CHN1: variants seen among roughly 807,000 people sequenced by gnomAD.
CHN1 encodes N-chimaerin.
Under a neutral mutation model 59.5 loss-of-function variants are expected in CHN1, and 37 were observed. That is an observed-to-expected ratio of 0.62 (90% CI 0.48 to 0.82). CHN1 has a LOEUF of 0.82. Among genes scored for constraint, CHN1 ranks in the 40% least tolerant of loss-of-function variants. The pLI is 0.00. For missense variants in CHN1, 469 were observed against 571.0 expected (o/e 0.82, Z 1.82); for synonymous variants, 206 against 200.4 (o/e 1.03, Z -0.24).
chr2:174,912,527 T>C (rs1325298114), intron 5 of CHN1, among the ~76,000 whole-genome samples: 2 of 152,200 alleles, frequency 1.3e-5, no homozygotes, highest in Admixed American at 6.5e-5. Flanking sequence ...TTATTCCTAA[T>C]TTTAGAGCCC....
chr2:174,875,081 C>T (rs1687525795), intron 6 of CHN1, among the ~76,000 whole-genome samples: 1 of 151,930 alleles, frequency 6.6e-6, no homozygotes, highest in African/African-American at 2.4e-5. Context: ...ACCATGTTGG[C>T]CAGGCAGGTC....
intron 5 of CHN1, among the ~76,000 whole-genome samples, chr2:174,895,049 G>A (rs13415168): frequency 0.38 from 49,511 of 128,894 alleles, 8,923 homozygotes; most frequent in Admixed American, 0.48. Flanking sequence ...ACACACGCGC[G>A]CACACACACA....
In CHN1 at chr2:174,996,150, C is replaced by T. The variant is rs138692287; in HGVS notation, c.19+8744G>A. Among the ~76,000 whole-genome samples, 442 of 152,152 alleles carry T rather than the reference C, an allele frequency of 2.9e-3. 2 individuals carry two copies. The highest frequency in any genetic ancestry group is 0.01 in the African/African-American group (426 of 41,514). On this transcript the variant is annotated intron_variant, in intron 1 of 12. Transcript: ENST00000409900. Reference sequence around the variant, plus strand: ...ACTACTGTATAGTCTGGGTTACCTCCCAAAGGAGAAGCAAACATTGCCTGT... The same window carrying T: ...ACTACTGTATAGTCTGGGTTACCTCTCAAAGGAGAAGCAAACATTGCCTGT...
At chr2:174,817,332 T>C (rs1685303245) in intron 8 of CHN1, among the ~76,000 whole-genome samples, 2 of 152,228 alleles carry the variant, frequency 1.3e-5, no homozygotes, top group African/African-American at 4.8e-5. Flanking sequence ...TTTTGTCATA[T>C]TCTTTCCCTA....
intron 1 of CHN1, among the ~76,000 whole-genome samples, chr2:174,989,474 A>G (rs1354458852): frequency 2.0e-5 from 3 of 151,746 alleles, no homozygotes; most frequent in South Asian, 4.2e-4. Context: ...GCAACATATT[A>G]AAGTTGCATA....
intron 1 of CHN1, among the ~76,000 whole-genome samples, chr2:174,995,547 G>C (rs1455707098): frequency 2.0e-5 from 3 of 152,304 alleles, no homozygotes; most frequent in South Asian, 2.1e-4. Flanking sequence ...GTCATAAGGA[G>C]TGTGCAACCC....
intron 6 of CHN1, among the ~76,000 whole-genome samples, chr2:174,865,751 C>T (rs898555324): frequency 6.6e-6 from 1 of 152,114 alleles, no homozygotes; most frequent in Non-Finnish European, 1.5e-5. Flanking sequence ...TAAGTATTCA[C>T]GTCTATACTT....
chr2:174,895,569 T>C (rs1030769104), intron 5 of CHN1, among the ~76,000 whole-genome samples: 1 of 151,950 alleles, frequency 6.6e-6, no homozygotes, highest in Non-Finnish European at 1.5e-5. Context: ...AAAAGATAAA[T>C]AAGCAAGTTC....
chr2:174,899,208 C>T (rs1383649142), intron 5 of CHN1, among the ~76,000 whole-genome samples: 2 of 151,994 alleles, frequency 1.3e-5, no homozygotes. Flanking sequence ...AAAAGGAGGG[C>T]ACTCAGGAGA....
intron 5 of CHN1, among the ~76,000 whole-genome samples, chr2:174,910,259 G>A (rs1388811522): frequency 6.6e-6 from 1 of 152,094 alleles, no homozygotes; most frequent in African/African-American, 2.4e-5. Context: ...AAATTTAGCA[G>A]GTTAAGTCAT....
intron 8 of CHN1, among the ~76,000 whole-genome samples, chr2:174,813,190 G>C (rs1277286609): frequency 6.6e-6 from 1 of 152,202 alleles, no homozygotes; most frequent in East Asian, 1.9e-4. Flanking sequence ...GAAGTAATAA[G>C]TAATTTACCC....
Position 174,812,315 on chromosome 2 carries a change from A to C in CHN1, c.880T>G (p.Ser294Ala). The C allele has an allele frequency of 6.2e-7, 1 of 1,611,912 alleles. No homozygotes were observed. Among genetic ancestry groups the C allele is most frequent in the Non-Finnish European group, 8.5e-7 (1 of 1,178,446 alleles). Residue 294 changes from serine (S) to alanine (A), a missense_variant, in exon 9 of 13, where the codon TCT (serine) becomes GCT (alanine). Physicochemically the swap from Ser to Ala is moderately conservative, Grantham distance 99. Transcript: ENST00000409900. ...VVDMCIREIE[S>A]RGLNSEGLYR... ...CGCACTGCAAATGGCTCACCTCTAGACTCAATCTCCCTGATGCACATGTCT... is the reference window on the plus strand; with the variant it reads ...CGCACTGCAAATGGCTCACCTCTAGCCTCAATCTCCCTGATGCACATGTCT...
intron 1 of CHN1, among the ~76,000 whole-genome samples, chr2:174,998,603 G>C (rs1192726302): frequency 6.6e-6 from 1 of 152,162 alleles, no homozygotes; most frequent in African/African-American, 2.4e-5. Flanking sequence ...AAAACAATGA[G>C]GTGGCTCTAT....
At chr2:174,924,565 G>A (rs1244554915) in intron 3 of CHN1, among the ~76,000 whole-genome samples, 2 of 152,084 alleles carry the variant, frequency 1.3e-5, no homozygotes, top group Admixed American at 6.6e-5. Flanking sequence ...GAATCTAATA[G>A]GGTAGAGAAG....
At chr2:174,819,260 C>T (rs528449721) in intron 8 of CHN1, among the ~76,000 whole-genome samples, 4 of 152,172 alleles carry the variant, frequency 2.6e-5, no homozygotes, top group Non-Finnish European at 5.9e-5. Flanking sequence ...AAAAACATTA[C>T]TTCCACTTAT....
intron 5 of CHN1, among the ~76,000 whole-genome samples, chr2:174,883,631 C>T (rs1687803666): frequency 6.6e-6 from 1 of 152,076 alleles, no homozygotes; most frequent in Non-Finnish European, 1.5e-5. Flanking sequence ...CTGAGGAAAA[C>T]TCCCCTCATG....
intron 5 of CHN1, among the ~76,000 whole-genome samples, chr2:174,898,235 G>T (rs1439158169): frequency 6.6e-6 from 1 of 152,166 alleles, no homozygotes. Flanking sequence ...CTTGTGGAGA[G>T]CCACACCAGC....
intron 5 of CHN1, among the ~76,000 whole-genome samples, chr2:174,897,337 C>T (rs1007698167): frequency 1.3e-5 from 2 of 151,982 alleles, no homozygotes; most frequent in African/African-American, 4.8e-5. Flanking sequence ...TGTCCTTGAA[C>T]GGCTGTCAGC....
intron 6 of CHN1, among the ~76,000 whole-genome samples, chr2:174,857,090 T>G (rs552540507): frequency 6.6e-6 from 1 of 152,304 alleles, no homozygotes; most frequent in South Asian, 2.1e-4. Flanking sequence ...GTGACCAACA[T>G]GCTCTTTTTG....
Sources: gnomAD v4.1 joint callset for allele counts (sites outside exome capture counted in the v4.1 genomes callset) on GRCh38, gnomAD v4.1.1 for gene constraint, MANE v1.5 for transcripts, NCBI Gene and HGNC (gene_info 2026-07-23, HGNC 2026-07-21) for gene names.